EIF2AK2: variants seen among roughly 807,000 people sequenced by gnomAD.
EIF2AK2 encodes the protein interferon-induced, double-stranded RNA-activated protein kinase.
Under a neutral mutation model 70.5 loss-of-function variants are expected in EIF2AK2, and 40 were observed. The observed-to-expected ratio is 0.57, with a 90% confidence interval of 0.44 to 0.74. The LOEUF is 0.74. Ranked by LOEUF, EIF2AK2 falls within the 30% of genes least tolerant of loss-of-function variation. The pLI, the probability that EIF2AK2 is intolerant of heterozygous loss-of-function variation, is 0.00. For synonymous variants in EIF2AK2, 198 were observed against 220.9 expected (o/e 0.90, Z 0.92); for missense variants, 555 against 644.3 (o/e 0.86, Z 1.50).
In EIF2AK2 at chr2:37,137,730, A is replaced by G. The variant is rs907105997; in HGVS notation, c.687+540T>C. ...TGGTAGGAGAGAAAAGCAAAATCAT[A>G]GGAATATACTAAAATATAAGGATGA... On this transcript the variant is annotated intron_variant, in intron 8 of 16. Transcript: ENST00000233057. 5.9e-5 allele frequency among the ~76,000 whole-genome samples: 9 copies of G among 152,236 alleles called. No homozygotes were observed. The East Asian group carries it at 1.7e-3, about 29-fold the overall frequency.
chr2:37,141,676 G>A lies in EIF2AK2; in HGVS notation c.266C>T (p.Thr89Ile). The change falls in exon 5 of 17, where the codon ACA becomes ATA. Residue 89 changes from threonine to isoleucine, a missense_variant. Coordinates refer to ENST00000233057, the MANE Select transcript of EIF2AK2 (RefSeq NM_001135651.3). ...GGATAATCCTTCTGAAGAATTCGTT[G>A]TTGTCAATAATAAAGGACTAACTGC... ...KKAVSPLLLT[T>I]TNSSEGLSMG... 6.2e-7 allele frequency: 1 copy of A among 1,612,924 alleles called. No individual in the cohort carries two copies. Among genetic ancestry groups the A allele is most frequent in the East Asian group, 2.2e-5 (1 of 44,836 alleles).
chr2:37,107,056 G>T lies in EIF2AK2; in HGVS notation c.*217C>A. On this transcript the variant is annotated 3_prime_UTR_variant, in exon 17 of 17. Coordinates refer to ENST00000233057, the MANE Select transcript of EIF2AK2 (RefSeq NM_001135651.3). ...GACTCTGTCTTTAAAAAAAAAAAAA[G>T]AATAAAGAGATGAGCCAGGAAAAAG... 2 of 411,140 alleles carry T rather than the reference G, an allele frequency of 4.9e-6. No homozygotes were observed. Among genetic ancestry groups the T allele is most frequent in the Non-Finnish European group, 7.8e-6 (2 of 257,818 alleles). The allele number at this position is 411,140 out of a possible 1,614,324, so 25.5% of individuals were successfully genotyped here. A position where few individuals can be genotyped will look rare whatever the true frequency, so the allele number is the denominator to read the frequency against.
chr2:37,124,110 G>A (rs1674650046), intron 11 of EIF2AK2, among the ~76,000 whole-genome samples: 1 of 151,838 alleles, frequency 6.6e-6, no homozygotes, highest in Non-Finnish European at 1.5e-5. Context: ...TAGGACCACA[G>A]GCACACACCA....
At chr2:37,140,525 C>T (rs1001261962) in intron 5 of EIF2AK2, among the ~76,000 whole-genome samples, 1 of 151,938 alleles carries the variant, frequency 6.6e-6, no homozygotes, top group Non-Finnish European at 1.5e-5. Flanking sequence ...GTGAGTCTTC[C>T]CCGCTAGACC....
chr2:37,134,355 G>T (rs1009784384), intron 10 of EIF2AK2, among the ~76,000 whole-genome samples: 5 of 152,130 alleles, frequency 3.3e-5, no homozygotes, highest in African/African-American at 4.8e-5. Flanking sequence ...GGAAATTTCC[G>T]TGTAAGATCC....
At chr2:37,124,132 T>A (rs62133142) in intron 11 of EIF2AK2, among the ~76,000 whole-genome samples, 29,208 of 151,662 alleles carry the variant, frequency 0.19, 3,142 homozygotes, top group Admixed American at 0.29. Flanking sequence ...CACACTTGGC[T>A]AGTTTTTATA....
chr2:37,113,699 G>A (rs1442779375), intron 14 of EIF2AK2, among the ~76,000 whole-genome samples: 9 of 152,044 alleles, frequency 5.9e-5, no homozygotes, highest in Non-Finnish European at 1.2e-4. Context: ...TAGAGAATTT[G>A]CAGAAAATGT....
chr2:37,154,321 G>A (rs1408931044), intron 1 of EIF2AK2, among the ~76,000 whole-genome samples: 5 of 122,730 alleles, frequency 4.1e-5, no homozygotes, highest in East Asian at 3.8e-4. Flanking sequence ...GCGAAACTCC[G>A]TCTCAAAAAA....
chr2:37,131,777 T>C (rs1674948076), intron 10 of EIF2AK2, among the ~76,000 whole-genome samples: 3 of 152,160 alleles, frequency 2.0e-5, no homozygotes, highest in Admixed American at 2.0e-4. Flanking sequence ...ATTGTGATGA[T>C]ACCCACTGTC....
At chr2:37,138,850 C>G (rs750283305) in intron 6 of EIF2AK2, among the ~76,000 whole-genome samples, 1 of 151,976 alleles carries the variant, frequency 6.6e-6, no homozygotes, top group Non-Finnish European at 1.5e-5. Flanking sequence ...GGTTGAAGTG[C>G]AGTGGCACAA....
At chr2:37,151,943 G>T (rs576491706) in intron 1 of EIF2AK2, among the ~76,000 whole-genome samples, 1 of 152,330 alleles carries the variant, frequency 6.6e-6, no homozygotes, top group Admixed American at 6.5e-5. Flanking sequence ...GCGCGCGCCT[G>T]TAGTCCCAGC....
At chr2:37,151,505 A>G (rs75756910) in intron 1 of EIF2AK2, among the ~76,000 whole-genome samples, 4,871 of 152,342 alleles carry the variant, frequency 0.032, 120 homozygotes, top group South Asian at 0.065. Flanking sequence ...ACTGCTGATA[A>G]GAATGTAAAA....
chr2:37,147,050 ACCT>A, intron 3 of EIF2AK2, 77 bp from the exon 4 acceptor site: 1 of 1,338,412 alleles, frequency 7.5e-7, no homozygotes, highest in Non-Finnish European at 1.0e-6. Flanking sequence ...AGTCATCACT[ACCT>A]CCTATGACTA....
In EIF2AK2 at chr2:37,105,186, T is replaced by C. The variant is rs1442352331; in HGVS notation, c.*2087A>G. On this transcript the variant is annotated 3_prime_UTR_variant, in exon 17 of 17. Coordinates refer to ENST00000233057, the MANE Select transcript of EIF2AK2 (RefSeq NM_001135651.3). ...CCTTTTTAAAAATCCTAAAATCATA[T>C]GGCAGTTTTAGAATGGTAGCTGGTT... is the stretch of plus-strand genomic sequence containing the variant. 6.6e-6 allele frequency: 1 copy of C among 152,254 alleles called. No homozygotes were observed. Among genetic ancestry groups the C allele is most frequent in the Non-Finnish European group, 1.5e-5 (1 of 68,046 alleles). 9.4% of individuals were successfully genotyped at this position (152,254 alleles called of 1,614,324 possible). A position where few individuals can be genotyped will look rare whatever the true frequency, so the allele number is the denominator to read the frequency against.
intron 5 of EIF2AK2, among the ~76,000 whole-genome samples, chr2:37,140,778 G>T (rs974908800): frequency 8.6e-5 from 13 of 151,954 alleles, no homozygotes; most frequent in African/African-American, 3.1e-4. Context: ...TCTCTTCCTG[G>T]TTTTGGCTCA....
At chr2:37,137,197 A>G (rs1675158659) in intron 8 of EIF2AK2, among the ~76,000 whole-genome samples, 180 bp from the exon 9 acceptor site, 1 of 152,164 alleles carries the variant, frequency 6.6e-6, no homozygotes, top group South Asian at 2.1e-4. Context: ...CTTTTTGCCA[A>G]TCTAATGAGT....
intron 2 of EIF2AK2, 106 bp from the exon 3 acceptor site, chr2:37,147,928 T>C (rs1481442282): frequency 3.1e-6 from 2 of 651,124 alleles, no homozygotes; most frequent in East Asian, 5.2e-5. Flanking sequence ...CTCCCCTTTA[T>C]AGGACTCATC....
intron 14 of EIF2AK2, among the ~76,000 whole-genome samples, chr2:37,114,484 A>G (rs779913415): frequency 6.6e-6 from 1 of 152,162 alleles, no homozygotes; most frequent in Non-Finnish European, 1.5e-5. Context: ...GAAAAAATGT[A>G]CACATATATA....
At chr2:37,115,646 A>C (rs1674316925) in intron 13 of EIF2AK2, among the ~76,000 whole-genome samples, 1 of 152,138 alleles carries the variant, frequency 6.6e-6, no homozygotes, top group Non-Finnish European at 1.5e-5. Context: ...ATAGGGACTG[A>C]AGCAGACATC....
Sources: allele counts gnomAD v4.1 joint callset (sites outside exome capture counted in the v4.1 genomes callset), GRCh38; gene constraint gnomAD v4.1.1; transcripts MANE v1.5; gene names NCBI Gene and HGNC (gene_info 2026-07-23, HGNC 2026-07-21).